NUDT3: variants seen among roughly 807,000 people sequenced by gnomAD.
NUDT3 encodes diphosphoinositol polyphosphate phosphohydrolase 1.
Under a neutral mutation model 23.6 loss-of-function variants are expected in NUDT3, and 9 were observed. That is an observed-to-expected ratio of 0.38 (90% CI 0.23 to 0.66). The LOEUF is 0.66. Ranked by LOEUF, NUDT3 falls within the 30% of genes least tolerant of loss-of-function variation. The pLI is 0.52. For synonymous variants in NUDT3, 86 were observed against 82.6 expected, an observed-to-expected ratio of 1.04 and a Z score of -0.22; for missense variants, 172 against 218.5, an observed-to-expected ratio of 0.79 and a Z score of 1.34.
At chr6:34,352,097 G>T (rs1212823160) in intron 1 of NUDT3, among the ~76,000 whole-genome samples, 1 of 152,030 alleles carries the variant, frequency 6.6e-6, no homozygotes, top group Non-Finnish European at 1.5e-5. Context: ...TTATTTCCTA[G>T]GAAAATTCTG....
At chr6:34,304,729 T>C (rs746145433) in intron 2 of NUDT3, among the ~76,000 whole-genome samples, 10 of 151,660 alleles carry the variant, frequency 6.6e-5, no homozygotes, top group Non-Finnish European at 1.2e-4. Context: ...GCGCAGATCA[T>C]GGCTCACTGC....
Position 34,280,722 on chromosome 6 carries a change from T to C in NUDT3, c.*8031A>G, listed in dbSNP as rs1763270928. 6.6e-6 allele frequency: 1 copy of C among 152,246 alleles called. No individual in the cohort carries two copies. The allele number at this position is 152,246 out of a possible 1,614,324, so 9.4% of individuals were successfully genotyped here. The stretch of plus-strand genomic sequence containing the variant: ...ACCTAATGATGAGAAGGCTAACTTA[T>C]TTGCTTTCCTGGGTGGTCCTGATGG... On this transcript the variant is annotated 3_prime_UTR_variant, in exon 5 of 5. Coordinates refer to ENST00000607016, the MANE Select transcript of NUDT3 (RefSeq NM_006703.4).
intron 1 of NUDT3, among the ~76,000 whole-genome samples, chr6:34,375,963 C>T (rs1399786834): frequency 1.3e-5 from 2 of 152,174 alleles, no homozygotes; most frequent in Non-Finnish European, 1.5e-5. Context: ...AGGCCCTACG[C>T]TCAGTTTTGC....
intron 2 of NUDT3, among the ~76,000 whole-genome samples, chr6:34,333,200 T>C (rs975856126): frequency 6.6e-6 from 1 of 152,172 alleles, no homozygotes; most frequent in Non-Finnish European, 1.5e-5. Context: ...AAGGGAATAT[T>C]TTAGCCCTCC....
intron 4 of NUDT3, among the ~76,000 whole-genome samples, chr6:34,292,654 T>A (rs896580695): frequency 6.6e-6 from 1 of 151,954 alleles, no homozygotes; most frequent in Non-Finnish European, 1.5e-5. Context: ...TTTATAAGAA[T>A]AAAACTAGAA....
intron 1 of NUDT3, among the ~76,000 whole-genome samples, chr6:34,373,407 A>T (rs759308410): frequency 6.6e-6 from 1 of 152,078 alleles, no homozygotes; most frequent in Non-Finnish European, 1.5e-5. Flanking sequence ...TTTTGGGGGG[A>T]AACTAGAGGC....
rs372178277 is a variant in NUDT3, at chr6:34,370,838, T to TCA, written c.99+21424_99+21425dup. Among the ~76,000 whole-genome samples the TCA allele has an allele frequency of 1.2e-3, 187 of 152,302 alleles. 2 individuals carry two copies. Among genetic ancestry groups the TCA allele is most frequent in the African/African-American group, 3.8e-3 (160 of 41,572 alleles). On this transcript the variant is annotated intron_variant, in intron 1 of 4. Transcript: ENST00000607016. ...TCTAATACTGGCCAGGCGCCGTGGCTCACACCTGTAATCCCAGCACTTTGA... is the reference window on the plus strand; with the variant it reads ...TCTAATACTGGCCAGGCGCCGTGGCTCACACACCTGTAATCCCAGCACTTTGA...
chr6:34,293,307 C>CT, intron 4 of NUDT3, 144 bp downstream of exon 4: 1 of 889,534 alleles, frequency 1.1e-6, no homozygotes, highest in Non-Finnish European at 1.8e-6. Flanking sequence ...GGTGATCCTC[C>CT]TGTGTTGGCC....
rs1278788399 is a variant in NUDT3 at position 34,353,485 on chromosome 6, T to A, written c.100-11513A>T. Among the ~76,000 whole-genome samples the A allele has an allele frequency of 1.8e-4, 26 of 148,382 alleles. No homozygotes were observed. In the Admixed American group the frequency reaches 1.8e-3, roughly 10 times the overall value. On this transcript the variant is annotated intron_variant, in intron 1 of 4. Coordinates refer to ENST00000607016, the MANE Select transcript of NUDT3 (RefSeq NM_006703.4). Reference sequence around the variant, plus strand: ...GACAAGAGTCTTGTTCACTACAACCTCCAACTCCGGGGTTCAAACGATTCT... The same window carrying A: ...GACAAGAGTCTTGTTCACTACAACCACCAACTCCGGGGTTCAAACGATTCT...
rs1763313223 is a variant in NUDT3 at position 34,284,577 on chromosome 6, A to G, written c.*4176T>C. 6.6e-6 allele frequency: 1 copy of G among 151,552 alleles called. No homozygotes were observed. The highest frequency in any genetic ancestry group is 1.5e-5 in the Non-Finnish European group (1 of 67,934). The allele number at this position is 151,552 out of a possible 1,614,324, so 9.4% of individuals were successfully genotyped here. A position where few individuals can be genotyped will look rare whatever the true frequency, so the allele number is the denominator to read the frequency against. On this transcript the variant is annotated 3_prime_UTR_variant, in exon 5 of 5. Coordinates refer to ENST00000607016, the MANE Select transcript of NUDT3 (RefSeq NM_006703.4). ...AAAGATGAGGATGCGGACTCCAACA[A>G]AGGCATTAAGAAAGTACTAGATGAA...
chr6:34,295,429 G>A (rs907237354), intron 3 of NUDT3, among the ~76,000 whole-genome samples: 1 of 152,000 alleles, frequency 6.6e-6, no homozygotes, highest in African/African-American at 2.4e-5. Flanking sequence ...GGCTGATGCA[G>A]AAGACTGCTT....
In NUDT3 at chr6:34,297,759, AATTT is replaced by A. The variant is rs1182969288; in HGVS notation, c.211-2078_211-2075del. Among the ~76,000 whole-genome samples, 324 of 71,044 alleles carry A rather than the reference AATTT, an allele frequency of 4.6e-3. 2 individuals are homozygous for A. Among genetic ancestry groups the A allele is most frequent in the African/African-American group, 0.013 (202 of 15,116 alleles). 46.6% of individuals were successfully genotyped at this position (71,044 alleles called of 152,430 possible). The stretch of plus-strand genomic sequence containing the variant: ...TATATATATATATATATATATATAT[AATTT>A]TTTTTTTTTTTTTAGTAGAGACGGG... On this transcript the variant is annotated intron_variant, in intron 2 of 4. Coordinates refer to ENST00000607016, the MANE Select transcript of NUDT3 (RefSeq NM_006703.4).
intron 1 of NUDT3, among the ~76,000 whole-genome samples, chr6:34,372,344 G>C (rs1561922037): frequency 6.6e-6 from 1 of 152,136 alleles, no homozygotes; most frequent in Non-Finnish European, 1.5e-5. Flanking sequence ...AGTTCAACTA[G>C]TTTACAGTCC....
intron 2 of NUDT3, among the ~76,000 whole-genome samples, chr6:34,327,137 A>C (rs1764047922): frequency 6.6e-6 from 1 of 152,146 alleles, no homozygotes; most frequent in African/African-American, 2.4e-5. Flanking sequence ...AAGGTCAAGC[A>C]AGTCACATGA....
chr6:34,348,549 G>A lies in NUDT3; in HGVS notation c.100-6577C>T, dbSNP rs138659917. On this transcript the variant is annotated intron_variant, in intron 1 of 4. Transcript: ENST00000607016. ...TCCCAGCACTCTGGCAGGCCGAGGC[G>A]GGTGGATCATGAGGTCAGGAGATCG... Among the ~76,000 whole-genome samples, 573 of 152,114 alleles carry A rather than the reference G, an allele frequency of 3.8e-3. 3 individuals are homozygous for A. Among genetic ancestry groups the A allele is most frequent in the South Asian group, 0.024 (114 of 4,814 alleles).
At chr6:34,331,260 C>T (rs1028204823) in intron 2 of NUDT3, among the ~76,000 whole-genome samples, 1 of 150,900 alleles carries the variant, frequency 6.6e-6, no homozygotes, top group Non-Finnish European at 1.5e-5. Flanking sequence ...AATTATTCTA[C>T]ATTAAGGTAT....
intron 2 of NUDT3, 31 bp from the exon 3 acceptor site, chr6:34,295,716 G>A: frequency 1.9e-6 from 3 of 1,612,126 alleles, no homozygotes; most frequent in Admixed American, 1.7e-5. Context: ...TTAATGCACT[G>A]ATAGTATTAT....
At chr6:34,308,905 T>C (rs1293983848) in intron 2 of NUDT3, among the ~76,000 whole-genome samples, 1 of 152,208 alleles carries the variant, frequency 6.6e-6, no homozygotes, top group Non-Finnish European at 1.5e-5. Flanking sequence ...GAAAATCAAA[T>C]TGACATAAGT....
At chr6:34,296,030 G>A (rs916151405) in intron 2 of NUDT3, among the ~76,000 whole-genome samples, 1 of 152,234 alleles carries the variant, frequency 6.6e-6, no homozygotes, top group Non-Finnish European at 1.5e-5. Context: ...CACTCTGGGA[G>A]GCTGAATTGG....
Sources: allele counts gnomAD v4.1 joint callset (sites outside exome capture counted in the v4.1 genomes callset), GRCh38; gene constraint gnomAD v4.1.1; transcripts MANE v1.5; gene names NCBI Gene and HGNC (gene_info 2026-07-23, HGNC 2026-07-21).